Variants in CSGALNACT1 observed in about 807,000 individuals in gnomAD.
CSGALNACT1 encodes chondroitin sulfate N-acetylgalactosaminyltransferase 1.
Under a neutral mutation model 51.0 loss-of-function variants are expected in CSGALNACT1, and 52 were observed. The ratio of observed to expected loss-of-function variants is 1.02; its 90% CI spans 0.82 to 1.29. CSGALNACT1 has a LOEUF of 1.29. Among genes scored for constraint, CSGALNACT1 ranks in the 50% most tolerant of loss-of-function variants. CSGALNACT1 has a pLI of 0.00. For synonymous variants in CSGALNACT1, 341 were observed against 254.4 expected (o/e 1.34, Z -3.24); for missense variants, 935 against 679.2 (o/e 1.38, Z -4.19).
chr8:19,410,067 T>C (rs2055329169), intron 8 of CSGALNACT1, among the ~76,000 whole-genome samples: 1 of 152,194 alleles, frequency 6.6e-6, no homozygotes, highest in South Asian at 2.1e-4. Flanking sequence ...CTGTCTTACT[T>C]TCACTACAAT....
intron 1 of CSGALNACT1, among the ~76,000 whole-genome samples, chr8:19,644,809 T>G (rs2154179508): frequency 6.8e-6 from 1 of 148,030 alleles, no homozygotes. Context: ...AAAAATGACC[T>G]CAGGTACCTA....
intron 1 of CSGALNACT1, among the ~76,000 whole-genome samples, chr8:19,616,747 C>T (rs372929192): frequency 5.9e-5 from 9 of 152,236 alleles, no homozygotes; most frequent in South Asian, 4.1e-4. Flanking sequence ...CACCTTCCAC[C>T]GTAAGTAAAA....
rs374102610 is a variant in CSGALNACT1 at position 19,655,579 on chromosome 8, C to T, written c.-544+26894G>A. Among the ~76,000 whole-genome samples the T allele has an allele frequency of 4.6e-3, 514 of 111,888 alleles. 4 individuals are homozygous for T. Among genetic ancestry groups the T allele is most frequent in the African/African-American group, 0.016 (457 of 28,606 alleles). 73.4% of individuals were successfully genotyped at this position (111,888 alleles called of 152,430 possible). A position where few individuals can be genotyped will look rare whatever the true frequency, so the allele number is the denominator to read the frequency against. On this transcript the variant is annotated intron_variant, in intron 1 of 9. Coordinates refer to the CSGALNACT1 transcript ENST00000332246. ...ATATATACACACACACACACACACA[C>T]ATATATATATATATATATTTGCAGA...
chr8:19,425,491 G>C (rs1366405882), intron 6 of CSGALNACT1, among the ~76,000 whole-genome samples: 15 of 152,180 alleles, frequency 9.9e-5, no homozygotes, highest in Admixed American at 9.8e-4. Flanking sequence ...TACTGAGCAT[G>C]AGGCAATGCA....
chr8:19,684,062 A>G (rs1589501371), upstream of CSGALNACT1, among the ~76,000 whole-genome samples: 1 of 152,180 alleles, frequency 6.6e-6, no homozygotes, highest in African/African-American at 2.4e-5. Context: ...GCTACTTGGG[A>G]GGCTGAAGCA....
chr8:19,423,470 A>T (rs2058274856), intron 6 of CSGALNACT1, among the ~76,000 whole-genome samples: 1 of 152,218 alleles, frequency 6.6e-6, no homozygotes, highest in Admixed American at 6.5e-5. Flanking sequence ...AAGTTAATCT[A>T]GTTTATTCTG....
chr8:19,505,351 C>G (rs2153996295), exon 4 of CSGALNACT1: 1 of 1,614,228 alleles, frequency 6.2e-7, no homozygotes, highest in Non-Finnish European at 8.5e-7. Flanking sequence ...CGGGTAAGGC[C>G]AGTCTCCAGC....
intron 3 of CSGALNACT1, among the ~76,000 whole-genome samples, chr8:19,510,571 CT>C (rs2078277855): frequency 6.6e-6 from 1 of 152,136 alleles, no homozygotes; most frequent in East Asian, 1.9e-4. Flanking sequence ...AATTTACTAG[CT>C]TGTAGAGGAA....
chr8:19,503,370 G>C (rs543262301), intron 4 of CSGALNACT1, among the ~76,000 whole-genome samples: 1 of 152,328 alleles, frequency 6.6e-6, no homozygotes, highest in South Asian at 2.1e-4. Flanking sequence ...TGGTGTCACT[G>C]CTGATTGAGA....
intron 3 of CSGALNACT1, among the ~76,000 whole-genome samples, chr8:19,558,145 G>T (rs930704602): frequency 2.4e-4 from 36 of 152,144 alleles, no homozygotes; most frequent in Admixed American, 2.0e-4. Flanking sequence ...CACCACCACA[G>T]AATGTTGTGA....
At chr8:19,550,191 G>A (rs2087625027) in intron 3 of CSGALNACT1, among the ~76,000 whole-genome samples, 1 of 151,960 alleles carries the variant, frequency 6.6e-6, no homozygotes, top group Non-Finnish European at 1.5e-5. Flanking sequence ...TTGTTGTGTT[G>A]CCCAGGCTGG....
intron 1 of CSGALNACT1, among the ~76,000 whole-genome samples, chr8:19,715,943 C>T (rs2062780720): frequency 6.6e-6 from 1 of 152,148 alleles, no homozygotes; most frequent in South Asian, 2.1e-4. Context: ...CTTTCCTGTG[C>T]ACCATGTCTC....
intron 6 of CSGALNACT1, among the ~76,000 whole-genome samples, chr8:19,423,979 A>C (rs1160541423): frequency 6.6e-6 from 1 of 152,112 alleles, no homozygotes; most frequent in African/African-American, 2.4e-5. Flanking sequence ...ACAGCACCAG[A>C]CACCTCGGCT....
intron 1 of CSGALNACT1, among the ~76,000 whole-genome samples, chr8:19,700,068 C>T (rs1057395762): frequency 1.2e-4 from 17 of 146,998 alleles, no homozygotes; most frequent in African/African-American, 4.1e-4. Context: ...GCTGAGATCA[C>T]ACCACTGCAC....
At chr8:19,662,497 T>G (rs2058847984) in intron 1 of CSGALNACT1, among the ~76,000 whole-genome samples, 2 of 152,240 alleles carry the variant, frequency 1.3e-5, no homozygotes, top group Non-Finnish European at 2.9e-5. Flanking sequence ...GGCTGATGTT[T>G]GGGTGAAAAA....
intron 4 of CSGALNACT1, among the ~76,000 whole-genome samples, chr8:19,472,553 C>T (rs2068438366): frequency 6.6e-6 from 1 of 152,110 alleles, no homozygotes. Context: ...TTAAAGTAAC[C>T]AATTCAAGGT....
At chr8:19,646,003 C>A (rs1030794608) in intron 1 of CSGALNACT1, among the ~76,000 whole-genome samples, 2 of 152,056 alleles carry the variant, frequency 1.3e-5, no homozygotes, top group Admixed American at 6.5e-5. Flanking sequence ...ATAGAAAATA[C>A]AATAAGCCTT....
chr8:19,513,000 C>T (rs544261955), intron 3 of CSGALNACT1, among the ~76,000 whole-genome samples: 2 of 152,264 alleles, frequency 1.3e-5, no homozygotes, highest in Admixed American at 6.5e-5. Flanking sequence ...TTGCAGCCAA[C>T]GGCAGCACAA....
chr8:19,668,698 G>T (rs1232400595), intron 1 of CSGALNACT1, among the ~76,000 whole-genome samples: 1 of 152,096 alleles, frequency 6.6e-6, no homozygotes, highest in East Asian at 1.9e-4. Flanking sequence ...GGCATTAAAG[G>T]CGAGCGCCAC....
Sources: gnomAD v4.1 joint callset for allele counts (sites outside exome capture counted in the v4.1 genomes callset) on GRCh38, gnomAD v4.1.1 for gene constraint, MANE v1.5 for transcripts, NCBI Gene and HGNC (gene_info 2026-07-23, HGNC 2026-07-21) for gene names.